The following MFHAS1 variants were observed in gnomAD, a reference collection of about 807,000 sequenced individuals.
MFHAS1 encodes malignant fibrous histiocytoma-amplified sequence 1.
In MFHAS1, 50 loss-of-function variants were observed where a neutral mutation model predicts 70.4. The ratio of observed to expected loss-of-function variants is 0.71; its 90% CI spans 0.57 to 0.90. The LOEUF is 0.90. MFHAS1 is among the 40% of genes least tolerant of loss of function. MFHAS1 has a pLI of 0.00. For synonymous variants in MFHAS1, 952 were observed against 620.0 expected (o/e 1.54, Z -7.96); for missense variants, 1,795 against 1,347.6 (o/e 1.33, Z -5.20).
intron 1 of MFHAS1, among the ~76,000 whole-genome samples, chr8:8,824,007 G>A (rs1486725322): frequency 6.7e-6 from 1 of 148,426 alleles, no homozygotes. Context: ...TTAATTTTGT[G>A]CTTAAATAAA....
intron 2 of MFHAS1, among the ~76,000 whole-genome samples, chr8:8,795,712 G>T (rs1805869286): frequency 6.6e-6 from 1 of 152,212 alleles, no homozygotes; most frequent in African/African-American, 2.4e-5. Context: ...TTTGCAGGGA[G>T]CACACCAAAG....
Position 8,892,042 on chromosome 8 carries a change from C to T in MFHAS1, c.1017G>A (p.Val339=). The T allele has an allele frequency of 1.9e-6, 3 of 1,613,556 alleles. No individual in the cohort carries two copies. In the African/African-American group the frequency reaches 4.0e-5, roughly 21 times the overall value. Residue 339 remains valine (V), a synonymous_variant, in exon 1 of 3, where the codon GTG becomes GTA. Transcript: ENST00000276282. The surrounding 1 kb of genome is among the most constrained non-coding windows in gnomAD (Gnocchi z 4.7). ...CGAGCTCCTCCAGGCCGGTCAGCTC[C>T]ACGATGGAGTCCGGCAGGTAGCGGA... ...NRIRYLPDSI[V]ELTGLEELVL... is the part of the protein sequence containing the mutation.
chr8:8,864,413 G>T (rs1482725242), intron 1 of MFHAS1, among the ~76,000 whole-genome samples: 1 of 152,210 alleles, frequency 6.6e-6, no homozygotes, highest in Non-Finnish European at 1.5e-5. Context: ...CACATTAGTA[G>T]AAACAATGTC....
At chr8:8,828,809 G>C (rs938854405) in intron 1 of MFHAS1, among the ~76,000 whole-genome samples, 13 of 152,204 alleles carry the variant, frequency 8.5e-5, no homozygotes, top group Non-Finnish European at 1.8e-4. Flanking sequence ...CAAAAGTGGA[G>C]AACTGAGGGG....
chr8:8,794,319 A>C (rs2117252007), intron 2 of MFHAS1, among the ~76,000 whole-genome samples: 1 of 152,356 alleles, frequency 6.6e-6, no homozygotes, highest in Non-Finnish European at 1.5e-5. Flanking sequence ...TCTCAGGCTC[A>C]GGCCCAAGCT....
intron 1 of MFHAS1, among the ~76,000 whole-genome samples, chr8:8,828,724 C>A (rs550157456): frequency 9.2e-5 from 14 of 152,372 alleles, no homozygotes; most frequent in African/African-American, 3.1e-4. Flanking sequence ...GCAAGGCCCA[C>A]GCCACCTTTA....
Position 8,891,172 on chromosome 8 carries a change from G to A in MFHAS1, c.1887C>T (p.Cys629=), listed in dbSNP as rs778578585. 1.2e-6 allele frequency: 2 copies of A among 1,613,348 alleles called. No homozygotes were observed. The highest frequency in any genetic ancestry group is 2.2e-5 in the South Asian group (2 of 91,092). The change falls in exon 1 of 3, where the codon TGC becomes TGT. Residue 629 remains cysteine, a synonymous_variant. Transcript: ENST00000276282. The surrounding 1 kb of genome is among the most constrained non-coding windows in gnomAD (Gnocchi z 5.4). The stretch of plus-strand genomic sequence containing the variant: ...GGCGTCGTAAGTGGCGCGGGTCCCT[G>A]CAGCTAACAGGCAACACGGGGGAGA... ...QILSPVLPVS[C]RDPRHLRRLR...
intron 1 of MFHAS1, among the ~76,000 whole-genome samples, chr8:8,805,473 TA>T (rs1335064603): frequency 6.6e-6 from 1 of 152,204 alleles, no homozygotes; most frequent in Non-Finnish European, 1.5e-5. Flanking sequence ...TACTATTCAT[TA>T]AGTGGAAGTA....
intron 1 of MFHAS1, among the ~76,000 whole-genome samples, chr8:8,822,988 G>A (rs554771373): frequency 6.6e-6 from 1 of 152,154 alleles, no homozygotes; most frequent in Non-Finnish European, 1.5e-5. Context: ...CCAGGCATGG[G>A]ATCCCGCACA....
chr8:8,858,907 G>C (rs921653411), intron 1 of MFHAS1, among the ~76,000 whole-genome samples: 10 of 152,186 alleles, frequency 6.6e-5, no homozygotes, highest in Admixed American at 6.5e-4. Context: ...AGACTATATA[G>C]AGGAACACAA....
intron 1 of MFHAS1, among the ~76,000 whole-genome samples, chr8:8,814,753 G>A (rs1021834730): frequency 1.2e-4 from 18 of 152,002 alleles, no homozygotes; most frequent in African/African-American, 4.1e-4. Flanking sequence ...GTAAACCGAT[G>A]GTAAATAGGA....
Position 8,784,958 on chromosome 8 carries a change from T to C in MFHAS1, c.*1064A>G, listed in dbSNP as rs1351092355. The C allele has an allele frequency of 6.6e-6, 1 of 152,124 alleles. No individual in the cohort carries two copies. Among genetic ancestry groups the C allele is most frequent in the Admixed American group, 6.5e-5 (1 of 15,270 alleles). The allele number at this position is 152,124 out of a possible 1,614,324, so 9.4% of individuals were successfully genotyped here. ...ATAAATAACCCGTGTGGGATTATGC[T>C]CTCCAGTGAATGTAACTGGAGCCTA... On this transcript the variant is annotated 3_prime_UTR_variant, in exon 3 of 3. Transcript: ENST00000276282.
At chr8:8,882,802 C>A (rs1033446262) in intron 1 of MFHAS1, among the ~76,000 whole-genome samples, 1 of 152,006 alleles carries the variant, frequency 6.6e-6, no homozygotes, top group Non-Finnish European at 1.5e-5. Context: ...AGGCTGCCAG[C>A]CCCCAGAAGA....
In MFHAS1 at chr8:8,785,159, A is replaced by G. The variant is rs1312024239; in HGVS notation, c.*863T>C. The G allele has an allele frequency of 6.6e-6, 1 of 152,228 alleles. No individual in the cohort carries two copies. Among genetic ancestry groups the G allele is most frequent in the Non-Finnish European group, 1.5e-5 (1 of 68,050 alleles). The allele number at this position is 152,228 out of a possible 1,614,324, so 9.4% of individuals were successfully genotyped here. A position where few individuals can be genotyped will look rare whatever the true frequency, so the allele number is the denominator to read the frequency against. ...AGCCATTAAAAGACTCAAGTTTTGC[A>G]TGGACTTTTTGTCCTCTTTGGCCCC... On this transcript the variant is annotated 3_prime_UTR_variant, in exon 3 of 3. Transcript: ENST00000276282.
intron 1 of MFHAS1, among the ~76,000 whole-genome samples, chr8:8,809,091 T>C (rs943356236): frequency 1.3e-5 from 2 of 152,084 alleles, no homozygotes; most frequent in Non-Finnish European, 2.9e-5. Flanking sequence ...GGTTGCGCGC[T>C]CCTTGTAAGA....
Position 8,787,577 on chromosome 8 carries a change from C to T in MFHAS1, c.3126-1522G>A, listed in dbSNP as rs118014091. Among the ~76,000 whole-genome samples the T allele has an allele frequency of 1.5e-4, 23 of 152,246 alleles. No homozygotes were observed. The East Asian group carries it at 3.1e-3, about 20-fold the overall frequency. On this transcript the variant is annotated intron_variant, in intron 2 of 2. Coordinates refer to ENST00000276282, the MANE Select transcript of MFHAS1 (RefSeq NM_004225.3). The stretch of plus-strand genomic sequence containing the variant: ...CTCTGCCACGAGAATTTTTTGAATG[C>T]CTATTAATATAGTAAACTCCCAGAA...
chr8:8,840,312 C>A (rs527237630), intron 1 of MFHAS1, among the ~76,000 whole-genome samples: 1 of 152,084 alleles, frequency 6.6e-6, no homozygotes, highest in African/African-American at 2.4e-5. Flanking sequence ...CAAAAATTAG[C>A]CAGGTATGGT....
rs869117025 is a variant in MFHAS1, at chr8:8,880,684, GTTTT to G, written c.2998+9373_2998+9376del. Among the ~76,000 whole-genome samples, 4 of 114,898 alleles carry G rather than the reference GTTTT, an allele frequency of 3.5e-5. No individual in the cohort carries two copies. In the East Asian group the frequency reaches 1.2e-3, roughly 33 times the overall value. 75.4% of individuals were successfully genotyped at this position (114,898 alleles called of 152,430 possible). A position where few individuals can be genotyped will look rare whatever the true frequency, so the allele number is the denominator to read the frequency against. ...AGGGCAGGACATCCCTTCCTTTTTT[GTTTT>G]TTTTTTTTTTCCCCCAGATGGAGTC... is the stretch of plus-strand genomic sequence containing the variant. On this transcript the variant is annotated intron_variant, in intron 1 of 2. Transcript: ENST00000276282.
At chr8:8,859,870 C>T (rs1299663894) in intron 1 of MFHAS1, 1 of 152,190 alleles carries the variant, frequency 6.6e-6, no homozygotes, top group Non-Finnish European at 1.5e-5. Flanking sequence ...CCAATGCCTG[C>T]ATTGTTCAAG....
Sources: allele counts gnomAD v4.1 joint callset (sites outside exome capture counted in the v4.1 genomes callset), GRCh38; gene constraint gnomAD v4.1.1; non-coding constraint Gnocchi (gnomAD v3.1); transcripts MANE v1.5; gene names NCBI Gene and HGNC (gene_info 2026-07-23, HGNC 2026-07-21).